Variants in NOL4 observed in about 807,000 individuals in gnomAD.
NOL4 encodes nucleolar protein 4.
In NOL4, 17 loss-of-function variants were observed where a neutral mutation model predicts 75.9. The ratio of observed to expected loss-of-function variants is 0.22; its 90% confidence interval spans 0.15 to 0.34. The LOEUF is 0.34. Among genes scored for constraint, NOL4 ranks in the 10% least tolerant of loss-of-function variants. The probability of loss-of-function intolerance (pLI) is 1.00; values close to 1 mark genes in which losing one functional copy is unlikely to be tolerated. For synonymous variants in NOL4, 292 were observed against 289.9 expected, an observed-to-expected ratio of 1.01 and a Z score of -0.07; for missense variants, 614 against 793.5, an observed-to-expected ratio of 0.77 and a Z score of 2.72.
chr18:34,005,139 T>G (rs2146269559), intron 6 of NOL4, among the ~76,000 whole-genome samples: 1 of 152,264 alleles, frequency 6.6e-6, no homozygotes, highest in African/African-American at 2.4e-5. Context: ...CAATGAATCC[T>G]TTTACTACAT....
chr18:34,071,630 C>T (rs1371735680), intron 5 of NOL4, among the ~76,000 whole-genome samples: 2 of 152,146 alleles, frequency 1.3e-5, no homozygotes, highest in Admixed American at 6.5e-5. Flanking sequence ...AGATACTCAA[C>T]ACTTTATTAT....
At chr18:34,195,310 T>C (rs1454325822) in intron 1 of NOL4, among the ~76,000 whole-genome samples, 1 of 152,162 alleles carries the variant, frequency 6.6e-6, no homozygotes, top group Non-Finnish European at 1.5e-5. Context: ...CTGCAACATT[T>C]TTCTTAAATC....
At chr18:33,873,556 T>C (rs1424743117) in intron 10 of NOL4, among the ~76,000 whole-genome samples, 1 of 151,984 alleles carries the variant, frequency 6.6e-6, no homozygotes, top group African/African-American at 2.4e-5. Context: ...TTCAGGATAT[T>C]AAGAGAAAAA....
chr18:34,003,781 C>T (rs1251628559), intron 6 of NOL4, among the ~76,000 whole-genome samples: 1 of 151,982 alleles, frequency 6.6e-6, no homozygotes, highest in African/African-American at 2.4e-5. Flanking sequence ...AAATAAAATT[C>T]TAAGGCCCTC....
At chr18:33,894,759 G>A (rs1483998431) in intron 9 of NOL4, among the ~76,000 whole-genome samples, 2 of 152,068 alleles carry the variant, frequency 1.3e-5, no homozygotes, top group Admixed American at 1.3e-4. Flanking sequence ...CTTATATGTG[G>A]AGTATACTAA....
intron 6 of NOL4, among the ~76,000 whole-genome samples, chr18:33,998,142 T>C (rs963875068): frequency 2.0e-5 from 3 of 151,986 alleles, no homozygotes; most frequent in African/African-American, 7.2e-5. Context: ...AAGAGAGTCA[T>C]AGTTAAGGGG....
At chr18:34,184,556 G>A (rs2034309276) in intron 1 of NOL4, among the ~76,000 whole-genome samples, 1 of 152,004 alleles carries the variant, frequency 6.6e-6, no homozygotes, top group African/African-American at 2.4e-5. Flanking sequence ...GTCAAGGAAG[G>A]GACTGAGTTC....
rs1244449050 is a variant in NOL4 at position 34,223,130 on chromosome 18, C to G, written c.124G>C (p.Gly42Arg). ...KYERIVQLLN[G>R]SESSSTDNAK... Reference sequence around the variant, plus strand: ...TTGTCCGTGGAGCTCGACTCGGAGCCATTGAGGAGCTGGACGATCCGTTCG... The same window carrying G: ...TTGTCCGTGGAGCTCGACTCGGAGCGATTGAGGAGCTGGACGATCCGTTCG... The change falls in exon 1 of 11, where the codon GGC becomes CGC. Residue 42 changes from glycine to arginine, a missense_variant. Physicochemically the swap from Gly to Arg is moderately radical, Grantham distance 125. Around this residue, in one of 9 missense-constraint regions of NOL4, gnomAD observed 35 missense variants for 29.2 expected, o/e 1.20. Coordinates refer to ENST00000261592, the MANE Select transcript of NOL4 (RefSeq NM_003787.5). The G allele has an allele frequency of 1.9e-6, 3 of 1,614,074 alleles. No homozygotes were observed. Among genetic ancestry groups the G allele is most frequent in the Non-Finnish European group, 1.7e-6 (2 of 1,180,048 alleles).
intron 9 of NOL4, among the ~76,000 whole-genome samples, chr18:33,923,896 T>C (rs976954244): frequency 6.6e-6 from 1 of 152,154 alleles, no homozygotes; most frequent in Admixed American, 6.6e-5. Flanking sequence ...CCTGCAGCAT[T>C]ACCCTAGATA....
At chr18:33,950,036 T>A (rs1339566157) in intron 8 of NOL4, among the ~76,000 whole-genome samples, 1 of 151,808 alleles carries the variant, frequency 6.6e-6, no homozygotes, top group Non-Finnish European at 1.5e-5. Context: ...AAGTTGAGTG[T>A]TATATAAACT....
chr18:34,044,355 G>A (rs1426890490), intron 5 of NOL4, among the ~76,000 whole-genome samples: 1 of 151,884 alleles, frequency 6.6e-6, no homozygotes, highest in Non-Finnish European at 1.5e-5. Context: ...CCAAAACTCA[G>A]CTGAATATTT....
intron 5 of NOL4, among the ~76,000 whole-genome samples, chr18:34,079,055 G>A (rs550124045): frequency 6.6e-6 from 1 of 152,158 alleles, no homozygotes; most frequent in East Asian, 1.9e-4. Context: ...AAGGAAACCG[G>A]GGCCAAATGA....
chr18:34,188,452 T>C (rs1452621882), intron 1 of NOL4, among the ~76,000 whole-genome samples: 1 of 152,224 alleles, frequency 6.6e-6, no homozygotes, highest in African/African-American at 2.4e-5. Context: ...GAAAATATTA[T>C]AGCAGACAAT....
intron 6 of NOL4, among the ~76,000 whole-genome samples, chr18:33,993,160 C>T (rs1178552339): frequency 1.3e-5 from 2 of 151,930 alleles, no homozygotes; most frequent in Non-Finnish European, 2.9e-5. Context: ...TTCAAAGGCA[C>T]CTGAGTTTTA....
At chr18:34,110,186 C>T (rs2079524400) in intron 2 of NOL4, among the ~76,000 whole-genome samples, 1 of 138,940 alleles carries the variant, frequency 7.2e-6, no homozygotes, top group Non-Finnish European at 1.5e-5. Context: ...GGGAACACTT[C>T]CAAGTTCATG....
At chr18:33,857,533 A>G (rs1259943253) in intron 10 of NOL4, among the ~76,000 whole-genome samples, 4 of 152,040 alleles carry the variant, frequency 2.6e-5, no homozygotes, top group Non-Finnish European at 5.9e-5. Flanking sequence ...TTGAGTGTTT[A>G]CTGATAGTGT....
chr18:33,865,800 C>T (rs2063404394), intron 10 of NOL4, among the ~76,000 whole-genome samples: 1 of 152,078 alleles, frequency 6.6e-6, no homozygotes. Flanking sequence ...CTAACTGTAA[C>T]CCTAATATGA....
At position 34,052,428 on chromosome 18, in the gene NOL4, C is replaced by T. The variant is rs151211144; in HGVS notation, c.773-32827G>A. Among the ~76,000 whole-genome samples the T allele has an allele frequency of 6.1e-3, 932 of 152,068 alleles. 1 individual carries two copies. Among genetic ancestry groups the T allele is most frequent in the Non-Finnish European group, 0.01 (708 of 67,938 alleles). On this transcript the variant is annotated intron_variant, in intron 5 of 10. Transcript: ENST00000261592. ...AATTCCAGATGGCTTAAACATTTAA[C>T]TCTTTTTTAAAAAGCTGTACAAGTA... is the stretch of plus-strand genomic sequence containing the variant.
At chr18:33,987,663 C>G (rs2072567781) in intron 6 of NOL4, among the ~76,000 whole-genome samples, 1 of 152,106 alleles carries the variant, frequency 6.6e-6, no homozygotes, top group East Asian at 1.9e-4. Context: ...TTATATGAGA[C>G]AAAGAAAGAT....
Sources: gnomAD v4.1 joint callset for allele counts (sites outside exome capture counted in the v4.1 genomes callset) on GRCh38, gnomAD v4.1.1 for gene constraint, gnomAD v4.1.1 regional missense constraint, MANE v1.5 for transcripts, NCBI Gene and HGNC (gene_info 2026-07-23, HGNC 2026-07-21) for gene names.